Variants in CYP11A1 observed in about 807,000 individuals in gnomAD.
The protein encoded by CYP11A1 is cholesterol side-chain cleavage enzyme, mitochondrial.
CYP11A1 carries 25 observed loss-of-function variants against 51.9 expected under a neutral mutation model. That is an observed-to-expected ratio of 0.48 (90% CI 0.35 to 0.67). The LOEUF (loss-of-function observed/expected upper bound fraction) is 0.67, where lower values mean the gene tolerates loss of function less well. Among genes scored for constraint, CYP11A1 ranks in the 30% least tolerant of loss-of-function variants. The pLI, the probability that CYP11A1 is intolerant of heterozygous loss-of-function variation, is 0.00. For missense variants in CYP11A1, 578 were observed against 680.9 expected (o/e 0.85, Z 1.68); for synonymous variants, 245 against 262.1 (o/e 0.93, Z 0.63).
chr15:74,337,932 T>TG lies in CYP11A1; in HGVS notation c.*39dup. 6.2e-7 allele frequency: 1 copy of TG among 1,612,718 alleles called. No homozygotes were observed. The highest frequency in any genetic ancestry group is 8.5e-7 in the Non-Finnish European group (1 of 1,179,832). On this transcript the variant is annotated 3_prime_UTR_variant, in exon 9 of 9. Transcript: ENST00000268053. ...GCAGAGACCCCATGGGCCCCACCCC[T>TG]GGGCCTTCCTCCCATGTGGCTGCAG...
In CYP11A1 at chr15:74,339,525, G is replaced by A; in HGVS notation, c.1157+62C>T. On this transcript the variant is annotated intron_variant, in intron 6 of 8. Coordinates refer to ENST00000268053, the MANE Select transcript of CYP11A1 (RefSeq NM_000781.3). Reference sequence around the variant, plus strand: ...CCCATCCTCGTAACCCTTTCCCCGGGCACTTCCCTGGCCCTGCCCAGGGAT... The same window carrying A: ...CCCATCCTCGTAACCCTTTCCCCGGACACTTCCCTGGCCCTGCCCAGGGAT... 5 of 1,587,974 alleles carry A rather than the reference G, an allele frequency of 3.1e-6. No individual in the cohort carries two copies. The South Asian group carries it at 4.5e-5, about 14-fold the overall frequency.
rs376978027 is a variant in CYP11A1, at chr15:74,344,911, C to T, written c.625+133G>A. 12 of 873,080 alleles carry T rather than the reference C, an allele frequency of 1.4e-5. No homozygotes were observed. The African/African-American group carries it at 2.0e-4, about 14-fold the overall frequency. The allele number at this position is 873,080 out of a possible 1,614,324, so 54.1% of individuals were successfully genotyped here. ...CCTCTGAGTAGCAGGCAGTGGAGGA[C>T]ATGATCAGCGGCTCATCCCAGAAGT... On this transcript the variant is annotated intron_variant, in intron 3 of 8. Coordinates refer to ENST00000268053, the MANE Select transcript of CYP11A1 (RefSeq NM_000781.3).
At chr15:74,349,404 C>T (rs933057824) in intron 1 of CYP11A1, among the ~76,000 whole-genome samples, 1 of 152,196 alleles carries the variant, frequency 6.6e-6, no homozygotes, top group Admixed American at 6.5e-5. Flanking sequence ...TTCTCTCTCT[C>T]TCTCCTCTCA....
Position 74,338,560 on chromosome 15 carries a change from G to C in CYP11A1, c.1434+11C>G. On this transcript the variant is annotated intron_variant, in intron 8 of 8. Transcript: ENST00000268053. ...AGCCCAGGGTGCCTAGATGTCCCCA[G>C]CTTGACTCACATTGATGAGGAAGAT... The C allele has an allele frequency of 6.2e-7, 1 of 1,613,958 alleles. No homozygotes were observed. Among genetic ancestry groups the C allele is most frequent in the South Asian group, 1.1e-5 (1 of 91,076 alleles).
chr15:74,345,002 C>T lies in CYP11A1; in HGVS notation c.625+42G>A. ...GTAAGAGAGTGAACACTGAGTCCTC[C>T]CACCCCCATGCCCACTGCCAGCCAG... On this transcript the variant is annotated intron_variant, in intron 3 of 8. Transcript: ENST00000268053. The surrounding 1 kb of genome is among the most constrained non-coding windows in gnomAD (Gnocchi z 4.3). 1 of 1,571,566 alleles carries T rather than the reference C, an allele frequency of 6.4e-7. No individual in the cohort carries two copies. Among genetic ancestry groups the T allele is most frequent in the Non-Finnish European group, 8.8e-7 (1 of 1,141,658 alleles).
chr15:74,337,790 G>A lies in CYP11A1; in HGVS notation c.*182C>T. 1.4e-6 allele frequency: 1 copy of A among 718,484 alleles called. No homozygotes were observed. The highest frequency in any genetic ancestry group is 2.4e-6 in the Non-Finnish European group (1 of 408,598). 44.5% of individuals were successfully genotyped at this position (718,484 alleles called of 1,614,324 possible). On this transcript the variant is annotated 3_prime_UTR_variant, in exon 9 of 9. Transcript: ENST00000268053. ...GGTTCAGCTGTTTATTGTCTCCATG[G>A]GGTGGGTGAAGAGGAGTGGCCCAGC...
chr15:74,338,863 A>G (rs2060592326), intron 7 of CYP11A1, 95 bp from the exon 8 acceptor site: 1 of 1,102,850 alleles, frequency 9.1e-7, no homozygotes, highest in Non-Finnish European at 1.3e-6. Flanking sequence ...TCTCACCACC[A>G]CTCCCACTCC....
rs779919285 is a variant in CYP11A1 at position 74,339,768 on chromosome 15, G to T, written c.991-15C>A. The T allele has an allele frequency of 6.2e-7, 1 of 1,613,882 alleles. No homozygotes were observed. The highest frequency in any genetic ancestry group is 8.5e-7 in the Non-Finnish European group (1 of 1,179,976). On this transcript the variant is annotated splice_polypyrimidine_tract_variant and intron_variant, in intron 5 of 8. Coordinates refer to ENST00000268053, the MANE Select transcript of CYP11A1 (RefSeq NM_000781.3). ...GTCATGGACGTCTGGTGGGGAGTAG[G>T]GTATACAGAAGACCAGGAGGGCCTG... is the stretch of plus-strand genomic sequence containing the variant.
chr15:74,357,780 G>C (rs558118201), intron 1 of CYP11A1, among the ~76,000 whole-genome samples: 1 of 152,232 alleles, frequency 6.6e-6, no homozygotes, highest in Non-Finnish European at 1.5e-5. Flanking sequence ...CCTCATGTCT[G>C]TGTACGGCAG....
chr15:74,339,346 G>C (rs1349477961), intron 6 of CYP11A1, 31 bp from the exon 7 acceptor site: 1 of 1,602,264 alleles, frequency 6.2e-7, no homozygotes, highest in Non-Finnish European at 8.6e-7. Context: ...GAAGCTGATG[G>C]CCCCAAAGGC....
At chr15:74,362,229 C>A in intron 1 of CYP11A1, 2 of 408,498 alleles carry the variant, frequency 4.9e-6, no homozygotes, top group Non-Finnish European at 8.7e-6. Flanking sequence ...AACTAAATAA[C>A]AACAAAAAAT....
chr15:74,343,165 G>A (rs1181456599), intron 4 of CYP11A1, 28 bp from the exon 5 acceptor site: 1 of 1,612,846 alleles, frequency 6.2e-7, no homozygotes, highest in Non-Finnish European at 8.5e-7. Flanking sequence ...AGAAAAAAGA[G>A]TGAGGTTCCC....
chr15:74,357,068 G>A (rs1472097776), intron 1 of CYP11A1, among the ~76,000 whole-genome samples: 1 of 152,152 alleles, frequency 6.6e-6, no homozygotes, highest in Non-Finnish European at 1.5e-5. Context: ...TGCAGGATCT[G>A]TGCCTTATCA....
chr15:74,366,191 G>A lies in CYP11A1; in HGVS notation c.269+1126C>T, dbSNP rs2060732415. The A allele has an allele frequency of 6.1e-6, 6 of 985,484 alleles. No homozygotes were observed. The South Asian group carries it at 2.3e-4, about 39-fold the overall frequency. 61.0% of individuals were successfully genotyped at this position (985,484 alleles called of 1,614,324 possible). ...CCCGGGCGGCGGCGTGCGCTGGGAG[G>A]AATGCTGGGTCTGTCGCTAGCGCCA... is the stretch of plus-strand genomic sequence containing the variant. On this transcript the variant is annotated intron_variant, in intron 1 of 8. Coordinates refer to ENST00000268053, the MANE Select transcript of CYP11A1 (RefSeq NM_000781.3).
At chr15:74,362,193 G>T in intron 1 of CYP11A1, 1 of 540,928 alleles carries the variant, frequency 1.8e-6, no homozygotes, top group Non-Finnish European at 3.3e-6. Context: ...GCAGAGTTGA[G>T]TTAAAGTTTA....
In CYP11A1 at chr15:74,337,808, G is replaced by A; in HGVS notation, c.*164C>T. 1.2e-6 allele frequency: 1 copy of A among 831,670 alleles called. No individual in the cohort carries two copies. The highest frequency in any genetic ancestry group is 2.0e-6 in the Non-Finnish European group (1 of 505,244). 51.5% of individuals were successfully genotyped at this position (831,670 alleles called of 1,614,324 possible). ...CTCCATGGGGTGGGTGAAGAGGAGT[G>A]GCCCAGCTGAGCTGAGGAAGGTGAC... On this transcript the variant is annotated 3_prime_UTR_variant, in exon 9 of 9. Coordinates refer to ENST00000268053, the MANE Select transcript of CYP11A1 (RefSeq NM_000781.3).
intron 1 of CYP11A1, chr15:74,350,049 A>G: frequency 3.0e-6 from 1 of 335,692 alleles, no homozygotes; most frequent in Non-Finnish European, 5.9e-6. Context: ...GGACCACTGA[A>G]CATCACTTTC....
At chr15:74,341,243 A>C (rs1197538620) in intron 5 of CYP11A1, among the ~76,000 whole-genome samples, 1 of 152,224 alleles carries the variant, frequency 6.6e-6, no homozygotes, top group African/African-American at 2.4e-5. Flanking sequence ...GTATGTGCTT[A>C]ATAAATGTGA....
chr15:74,344,958 G>T, intron 3 of CYP11A1, 86 bp downstream of exon 3: 1 of 1,232,510 alleles, frequency 8.1e-7, no homozygotes. Context: ...CCTCTGCAGG[G>T]TCTGTACTGA....
Sources: gnomAD v4.1 joint callset for allele counts (sites outside exome capture counted in the v4.1 genomes callset) on GRCh38, gnomAD v4.1.1 for gene constraint, Gnocchi (gnomAD v3.1) non-coding constraint, MANE v1.5 for transcripts, NCBI Gene and HGNC (gene_info 2026-07-23, HGNC 2026-07-21) for gene names.